Variants in CPD observed in about 807,000 individuals in gnomAD.
CPD encodes metallocarboxypeptidase D.
Under a neutral mutation model 138.3 loss-of-function variants are expected in CPD, and 69 were observed. The observed-to-expected ratio is 0.50, with a 90% CI of 0.41 to 0.61. The LOEUF (loss-of-function observed/expected upper bound fraction) is 0.61, where lower values mean the gene tolerates loss of function less well. Among genes scored for constraint, CPD ranks in the 20% least tolerant of loss-of-function variants. CPD has a pLI of 0.00. For missense variants in CPD, 1,432 were observed against 1,733.3 expected (o/e 0.83, Z 3.09); for synonymous variants, 651 against 642.1 (o/e 1.01, Z -0.21).
At chr17:30,444,774 T>A (rs1168453739) in intron 11 of CPD, among the ~76,000 whole-genome samples, 2 of 152,164 alleles carry the variant, frequency 1.3e-5, no homozygotes, top group East Asian at 3.9e-4. Context: ...CCACAGGATA[T>A]TTTCCCTTCC....
intron 2 of CPD, among the ~76,000 whole-genome samples, chr17:30,412,437 G>A (rs1402659205): frequency 6.6e-6 from 1 of 152,244 alleles, no homozygotes; most frequent in Non-Finnish European, 1.5e-5. Context: ...GTTTAAGTTT[G>A]CAGAAGTTGT....
intron 8 of CPD, among the ~76,000 whole-genome samples, chr17:30,438,325 C>T (rs1314843054): frequency 7.9e-5 from 12 of 152,076 alleles, no homozygotes; most frequent in Admixed American, 7.9e-4. Context: ...TAATCTTTCT[C>T]TCCTCTTGCT....
chr17:30,387,789 C>G (rs1369749952), intron 2 of CPD, among the ~76,000 whole-genome samples: 1 of 152,208 alleles, frequency 6.6e-6, no homozygotes, highest in African/African-American at 2.4e-5. Context: ...GAATTTAATA[C>G]TTTCGTTACT....
rs1910994369 is a variant in CPD, at chr17:30,379,773, C to G, written c.746+47C>G. The G allele has an allele frequency of 3.8e-6, 5 of 1,332,852 alleles. No homozygotes were observed. Among genetic ancestry groups the G allele is most frequent in the Non-Finnish European group, 3.9e-6 (4 of 1,026,548 alleles). The allele number at this position is 1,332,852 out of a possible 1,614,324, so 82.6% of individuals were successfully genotyped here. A position where few individuals can be genotyped will look rare whatever the true frequency, so the allele number is the denominator to read the frequency against. On this transcript the variant is annotated intron_variant, in intron 1 of 20. Transcript: ENST00000225719. The surrounding 1 kb of genome is among the most constrained non-coding windows in gnomAD (Gnocchi z 7.0). ...CCCGTCCGTGTGAGCCTCCAAGGGC[C>G]GAGGCTGGTTCCGGCACCCAGTAGG...
chr17:30,417,734 T>C (rs2143402357), intron 2 of CPD, among the ~76,000 whole-genome samples: 1 of 152,320 alleles, frequency 6.6e-6, no homozygotes, highest in East Asian at 1.9e-4. Context: ...AACCGGGCTT[T>C]TTGCTTCCAA....
At chr17:30,389,028 C>A (rs920068607) in intron 2 of CPD, among the ~76,000 whole-genome samples, 1 of 152,200 alleles carries the variant, frequency 6.6e-6, no homozygotes, top group African/African-American at 2.4e-5. Context: ...TCCTGCTTTC[C>A]GCCCCGCCCC....
At chr17:30,397,248 A>G (rs888660376) in intron 2 of CPD, among the ~76,000 whole-genome samples, 1 of 152,166 alleles carries the variant, frequency 6.6e-6, no homozygotes, top group Non-Finnish European at 1.5e-5. Context: ...TAATAATTCA[A>G]TTTAGAGGAC....
intron 2 of CPD, among the ~76,000 whole-genome samples, chr17:30,398,224 A>G (rs1911560446): frequency 9.4e-6 from 1 of 106,858 alleles, no homozygotes; most frequent in Admixed American, 9.6e-5. Flanking sequence ...ACAGAATAAT[A>G]GAATAGAATA....
chr17:30,416,474 C>G (rs1303255665), intron 2 of CPD, among the ~76,000 whole-genome samples: 2 of 152,188 alleles, frequency 1.3e-5, no homozygotes, highest in Non-Finnish European at 2.9e-5. Flanking sequence ...AACCAAATCC[C>G]TCCTGTGGTT....
intron 2 of CPD, among the ~76,000 whole-genome samples, chr17:30,414,455 C>T (rs1021830712): frequency 5.3e-5 from 8 of 151,730 alleles, no homozygotes; most frequent in Non-Finnish European, 8.8e-5. Flanking sequence ...CGGTGGCGGG[C>T]GCCTGTAGTC....
At chr17:30,446,248 C>T (rs957350964) in intron 12 of CPD, among the ~76,000 whole-genome samples, 3 of 151,906 alleles carry the variant, frequency 2.0e-5, no homozygotes, top group Non-Finnish European at 4.4e-5. Context: ...CATATGTATA[C>T]ATGTGCCATG....
intron 8 of CPD, among the ~76,000 whole-genome samples, chr17:30,435,040 GATT>G (rs1463573503): frequency 3.3e-5 from 5 of 151,956 alleles, no homozygotes; most frequent in African/African-American, 4.8e-5. Flanking sequence ...ATTCTAAACA[GATT>G]AAGTATACCC....
rs936003202 is a variant in CPD at position 30,456,304 on chromosome 17, A to G, written c.3386A>G (p.Asn1129Ser). 5 of 1,614,244 alleles carry G rather than the reference A, an allele frequency of 3.1e-6. No homozygotes were observed. The highest frequency in any genetic ancestry group is 3.4e-6 in the Non-Finnish European group (4 of 1,180,044). Residue 1129 changes from asparagine (N) to serine (S), a missense_variant, in exon 16 of 21, where the codon AAT becomes AGT. Physicochemically the swap from Asn to Ser is conservative, Grantham distance 46 (BLOSUM62 1). Around this residue, in one of 6 missense-constraint regions of CPD, gnomAD observed 366 missense variants for 518.8 expected, o/e 0.71. Transcript: ENST00000225719. ...LKHLASLYAN[N>S]HPSMHMGQPS... ...CATTTGGCATCTCTTTATGCAAATAATCATCCATCCATGCACATGGGTCAG... is the reference window on the plus strand; with the variant it reads ...CATTTGGCATCTCTTTATGCAAATAGTCATCCATCCATGCACATGGGTCAG...
chr17:30,399,740 A>G lies in CPD; in HGVS notation c.994+14504A>G, dbSNP rs185964271. ...TGCGGTGGCTCATGCCTGTAATCCC[A>G]GCACTTTTGGAGGCTGAGGCAGGTG... is the stretch of plus-strand genomic sequence containing the variant. On this transcript the variant is annotated intron_variant, in intron 2 of 20. Transcript: ENST00000225719. Among the ~76,000 whole-genome samples the G allele has an allele frequency of 2.5e-3, 375 of 152,298 alleles. 1 individual carries two copies. The highest frequency in any genetic ancestry group is 8.6e-3 in the African/African-American group (358 of 41,562).
At position 30,465,457 on chromosome 17, in the gene CPD, T is replaced by C. The variant is rs1913611016; in HGVS notation, c.*643T>C. 6.5e-6 allele frequency: 1 copy of C among 152,732 alleles called. No individual in the cohort carries two copies. The highest frequency in any genetic ancestry group is 1.5e-5 in the Non-Finnish European group (1 of 68,104). 9.5% of individuals were successfully genotyped at this position (152,732 alleles called of 1,614,324 possible). On this transcript the variant is annotated 3_prime_UTR_variant, in exon 21 of 21. Transcript: ENST00000225719. ...TGTAAGCAGGATTTCACTACCTCTC[T>C]TAAGGTTTAGCAAACTTCTAAATAG...
At chr17:30,404,141 G>T (rs1222369167) in intron 2 of CPD, among the ~76,000 whole-genome samples, 1 of 152,130 alleles carries the variant, frequency 6.6e-6, no homozygotes, top group African/African-American at 2.4e-5. Context: ...TATTTTTATT[G>T]TGGTGGTAGT....
At chr17:30,393,413 T>C (rs1911410016) in intron 2 of CPD, among the ~76,000 whole-genome samples, 1 of 152,192 alleles carries the variant, frequency 6.6e-6, no homozygotes, top group Non-Finnish European at 1.5e-5. Context: ...TGTCATTAAA[T>C]AGGATATTAT....
intron 1 of CPD, among the ~76,000 whole-genome samples, chr17:30,382,858 G>T (rs965588884): frequency 2.6e-5 from 4 of 151,854 alleles, no homozygotes; most frequent in African/African-American, 9.7e-5. Flanking sequence ...TGTTTGTTTC[G>T]CTCACAGATG....
intron 2 of CPD, among the ~76,000 whole-genome samples, chr17:30,414,219 C>T (rs1912044098): frequency 6.6e-6 from 1 of 152,180 alleles, no homozygotes; most frequent in African/African-American, 2.4e-5. Flanking sequence ...CAGAATTACT[C>T]TGGCATCTCT....
Sources: allele counts gnomAD v4.1 joint callset (sites outside exome capture counted in the v4.1 genomes callset), GRCh38; gene constraint gnomAD v4.1.1; regional missense constraint gnomAD v4.1.1; non-coding constraint Gnocchi (gnomAD v3.1); transcripts MANE v1.5; gene names NCBI Gene and HGNC (gene_info 2026-07-23, HGNC 2026-07-21).